Variants in PDE10A observed in about 807,000 individuals in gnomAD.
The protein encoded by PDE10A is cAMP and cAMP-inhibited cGMP 3',5'-cyclic phosphodiesterase 10A.
A neutral mutation model predicts 97.7 loss-of-function variants in PDE10A; 39 were observed. The ratio of observed to expected loss-of-function variants is 0.40; its 90% CI spans 0.31 to 0.52. The LOEUF (loss-of-function observed/expected upper bound fraction) is 0.52, where lower values mean the gene tolerates loss of function less well. Ranked by LOEUF, PDE10A falls within the 20% of genes least tolerant of loss-of-function variation. The pLI, the probability that PDE10A is intolerant of heterozygous loss-of-function variation, is 0.56. For missense variants in PDE10A, 731 were observed against 1,047.8 expected, an observed-to-expected ratio of 0.70 and a Z score of 4.17; for synonymous variants, 371 against 376.8, an observed-to-expected ratio of 0.98 and a Z score of 0.18.
At position 165,332,985 on chromosome 6, in the gene PDE10A, A is replaced by C; in HGVS notation, c.*40T>G. 1 of 685,814 alleles carries C rather than the reference A, an allele frequency of 1.5e-6. No individual in the cohort carries two copies. Among genetic ancestry groups the C allele is most frequent in the Non-Finnish European group, 2.5e-6 (1 of 402,328 alleles). The allele number at this position is 685,814 out of a possible 1,614,324, so 42.5% of individuals were successfully genotyped here. A position where few individuals can be genotyped will look rare whatever the true frequency, so the allele number is the denominator to read the frequency against. ...AAAAGAATGTCAAAGAAGCAAGATGAGGATCTGTAGGTGGGACAGCGTGTC... is the reference window on the plus strand; with the variant it reads ...AAAAGAATGTCAAAGAAGCAAGATGCGGATCTGTAGGTGGGACAGCGTGTC... On this transcript the variant is annotated 3_prime_UTR_variant, in exon 22 of 22. Coordinates refer to ENST00000539869, the MANE Select transcript of PDE10A (RefSeq NM_001385079.1).
chr6:165,558,457 G>C (rs1022885462), intron 1 of PDE10A, among the ~76,000 whole-genome samples: 4 of 152,174 alleles, frequency 2.6e-5, no homozygotes, highest in African/African-American at 9.6e-5. Flanking sequence ...CCTGTCGTGG[G>C]GTTGGGGGAC....
intron 5 of PDE10A, among the ~76,000 whole-genome samples, chr6:165,446,498 A>G (rs548129210): frequency 6.6e-6 from 1 of 152,346 alleles, no homozygotes; most frequent in South Asian, 2.1e-4. Flanking sequence ...TGGAATGCAT[A>G]AAGGGCAAAA....
intron 1 of PDE10A, among the ~76,000 whole-genome samples, chr6:165,856,517 T>C (rs567035692): frequency 1.3e-5 from 2 of 152,358 alleles, no homozygotes; most frequent in South Asian, 4.1e-4. Context: ...TTGTGATTGA[T>C]AAAGACTAGT....
Position 165,861,668 on chromosome 6 carries a change from C to A in PDE10A, c.-615+125861G>T, listed in dbSNP as rs559392941. Among the ~76,000 whole-genome samples, 56 of 151,950 alleles carry A rather than the reference C, an allele frequency of 3.7e-4. 2 individuals are homozygous for A. The highest frequency in any genetic ancestry group is 1.2e-3 in the African/African-American group (49 of 41,416). ...GGAAGGGGAGCAGAGACCGAAAGAC[C>A]AGAGGGAGCAACTGCAGTCCTCCAG... On this transcript the variant is annotated intron_variant, in intron 1 of 19. Transcript: ENST00000366882.
intron 1 of PDE10A, among the ~76,000 whole-genome samples, chr6:165,771,654 TAAA>T (rs35902541): frequency 0.42 from 44,089 of 106,164 alleles, 6,925 homozygotes; most frequent in African/African-American, 0.53. Flanking sequence ...TTTAACAAGA[TAAA>T]AAAAAAAAAA....
In PDE10A at chr6:165,616,928, C is replaced by T. The variant is rs538131669; in HGVS notation, c.865+45019G>A. The stretch of plus-strand genomic sequence containing the variant: ...AATAAATATATATTGTTTAATTACA[C>T]TGGCAAACTTCTCTTGAATCCATGC... On this transcript the variant is annotated intron_variant, in intron 1 of 21. Transcript: ENST00000539869. Among the ~76,000 whole-genome samples, 14 of 152,316 alleles carry T rather than the reference C, an allele frequency of 9.2e-5. No homozygotes were observed. In the South Asian group the frequency reaches 2.7e-3, roughly 29 times the overall value.
At chr6:165,454,353 G>A (rs1777812333) in intron 3 of PDE10A, among the ~76,000 whole-genome samples, 1 of 152,156 alleles carries the variant, frequency 6.6e-6, no homozygotes, top group Non-Finnish European at 1.5e-5. Context: ...ATGTTAAAAG[G>A]ACATGAATTT....
At chr6:165,525,619 C>G (rs1037784460) in intron 2 of PDE10A, among the ~76,000 whole-genome samples, 1 of 152,100 alleles carries the variant, frequency 6.6e-6, no homozygotes, top group African/African-American at 2.4e-5. Context: ...CTTTGAAGAG[C>G]CTTGTAATTG....
chr6:165,909,805 C>A (rs533732849), intron 1 of PDE10A, among the ~76,000 whole-genome samples: 2 of 152,242 alleles, frequency 1.3e-5, no homozygotes, highest in Non-Finnish European at 2.9e-5. Flanking sequence ...CCCAAGCCCA[C>A]CTTGACAAAC....
intron 2 of PDE10A, among the ~76,000 whole-genome samples, chr6:165,498,423 CAAAAAAAAAAAAAAAAAAAAAAAAAAA>C (rs35069498): frequency 9.2e-4 from 21 of 22,886 alleles, no homozygotes; most frequent in African/African-American, 1.4e-3. Flanking sequence ...ACCCTGTCTC[CAAAAAAAAAAAAAAAAAAAAAAAAAAA>C]AAAAAAAAAA....
intron 1 of PDE10A, among the ~76,000 whole-genome samples, chr6:165,700,780 T>C (rs1284606091): frequency 6.6e-6 from 1 of 152,258 alleles, no homozygotes; most frequent in African/African-American, 2.4e-5. Flanking sequence ...TAGGCGGTCC[T>C]CCAGAGAAGA....
At chr6:165,644,712 T>A (rs184110216) in intron 1 of PDE10A, among the ~76,000 whole-genome samples, 1 of 152,268 alleles carries the variant, frequency 6.6e-6, no homozygotes, top group East Asian at 1.9e-4. Flanking sequence ...AAAACCCCCG[T>A]ATGAAATGAC....
chr6:165,430,014 T>C (rs1345873304), intron 9 of PDE10A, among the ~76,000 whole-genome samples: 1 of 152,164 alleles, frequency 6.6e-6, no homozygotes, highest in Non-Finnish European at 1.5e-5. Context: ...AGATATTTAG[T>C]GTCTTTAACA....
chr6:165,853,463 C>T (rs1366651097), intron 1 of PDE10A, among the ~76,000 whole-genome samples: 1 of 152,200 alleles, frequency 6.6e-6, no homozygotes, highest in Non-Finnish European at 1.5e-5. Flanking sequence ...CCAAAACCAT[C>T]CTGGTATGCA....
intron 2 of PDE10A, among the ~76,000 whole-genome samples, chr6:165,490,613 T>C (rs1743422929): frequency 3.9e-5 from 6 of 152,066 alleles, no homozygotes; most frequent in Admixed American, 2.6e-4. Flanking sequence ...ATACTAACAT[T>C]GAATGCAAAT....
rs1343345356 is a variant in PDE10A, at chr6:165,353,327, T to A, written c.2784-9825A>T. Among the ~76,000 whole-genome samples the A allele has an allele frequency of 3.3e-5, 5 of 152,318 alleles. No homozygotes were observed. In the South Asian group the frequency reaches 1.0e-3, roughly 32 times the overall value. ...TTCATAATTATTCATAAGTATTTCA[T>A]ACAGTATGTCATAAGACATACTCTT... On this transcript the variant is annotated intron_variant, in intron 18 of 21. Transcript: ENST00000539869.
In PDE10A at chr6:165,769,003, T is replaced by C. The variant is rs117645949; in HGVS notation, c.-615+218526A>G. Reference sequence around the variant, plus strand: ...AAGTTTTTATGACTAGTCTATATTCTATTCTACAGAGAACATACATGAAAC... The same window carrying C: ...AAGTTTTTATGACTAGTCTATATTCCATTCTACAGAGAACATACATGAAAC... On this transcript the variant is annotated intron_variant, in intron 1 of 19. Coordinates refer to the PDE10A transcript ENST00000366882. Among the ~76,000 whole-genome samples, 619 of 152,362 alleles carry C rather than the reference T, an allele frequency of 4.1e-3. 2 individuals carry two copies. The highest frequency in any genetic ancestry group is 5.2e-3 in the Non-Finnish European group (352 of 68,038).
chr6:165,536,747 G>C (rs1160336337), intron 2 of PDE10A, among the ~76,000 whole-genome samples: 1 of 151,798 alleles, frequency 6.6e-6, no homozygotes, highest in Non-Finnish European at 1.5e-5. Flanking sequence ...CAAAACCACA[G>C]TGAGATATCA....
intron 1 of PDE10A, among the ~76,000 whole-genome samples, chr6:165,695,588 T>G (rs1024256538): frequency 1.3e-5 from 2 of 151,556 alleles, no homozygotes; most frequent in Non-Finnish European, 2.9e-5. Context: ...AAGTTGGGAG[T>G]GGGGGAGAGG....
Sources: gnomAD v4.1 joint callset for allele counts (sites outside exome capture counted in the v4.1 genomes callset) on GRCh38, gnomAD v4.1.1 for gene constraint, MANE v1.5 for transcripts, NCBI Gene and HGNC (gene_info 2026-07-23, HGNC 2026-07-21) for gene names.